CAMTA1: variants seen among roughly 807,000 people sequenced by gnomAD.
CAMTA1 encodes calmodulin binding transcription activator 1.
CAMTA1 carries 27 observed loss-of-function variants against 170.9 expected under a neutral mutation model. The observed-to-expected ratio is 0.16, with a 90% CI of 0.12 to 0.22. The LOEUF is 0.22. CAMTA1 is among the 10% of genes least tolerant of loss of function. The pLI, the probability that CAMTA1 is intolerant of heterozygous loss-of-function variation, is 1.00. For synonymous variants in CAMTA1, 833 were observed against 891.5 expected (o/e 0.93, Z 1.17); for missense variants, 1,619 against 2,217.2 (o/e 0.73, Z 5.42).
chr1:7,308,994 T>C (rs1036700288), intron 5 of CAMTA1, among the ~76,000 whole-genome samples: 3 of 152,224 alleles, frequency 2.0e-5, no homozygotes, highest in Admixed American at 6.5e-5. Flanking sequence ...TGAAAGTTGT[T>C]ATTATGTATG....
intron 16 of CAMTA1, among the ~76,000 whole-genome samples, chr1:7,740,583 C>T (rs914658454): frequency 2.6e-5 from 4 of 152,216 alleles, no homozygotes; most frequent in Admixed American, 6.5e-5. Flanking sequence ...CAGTGGTGGA[C>T]GTGCCTTCTA....
At chr1:6,940,032 A>T (rs957458985) in intron 3 of CAMTA1, among the ~76,000 whole-genome samples, 12 of 152,270 alleles carry the variant, frequency 7.9e-5, no homozygotes, top group Non-Finnish European at 1.3e-4. Flanking sequence ...CAATGCCAGC[A>T]TATCCGTGTC....
rs757377538 is a variant in CAMTA1 at position 7,043,020 on chromosome 1, G to A, written c.235-48284G>A. ...CCCCCAAGTTTCTTCACTGGCCTGG[G>A]TGTGCTGCAGTGTGCTCTGGGGCAT... On this transcript the variant is annotated intron_variant, in intron 3 of 22. Transcript: ENST00000303635. Among the ~76,000 whole-genome samples, 25 of 152,340 alleles carry A rather than the reference G, an allele frequency of 1.6e-4. 1 individual carries two copies. The highest frequency in any genetic ancestry group is 9.8e-4 in the Admixed American group (15 of 15,306).
intron 11 of CAMTA1, chr1:7,692,997 CTAAT>C (rs2096335536): frequency 6.6e-6 from 1 of 152,262 alleles, no homozygotes. Flanking sequence ...TTGACAGTGG[CTAAT>C]TCTCTATCAA....
intron 4 of CAMTA1, among the ~76,000 whole-genome samples, chr1:7,158,621 G>T (rs756928130): frequency 6.6e-6 from 1 of 152,102 alleles, no homozygotes; most frequent in African/African-American, 2.4e-5. Context: ...AAAATGGATC[G>T]ATGAATGCAC....
intron 22 of CAMTA1, among the ~76,000 whole-genome samples, chr1:7,761,382 G>A (rs1392160860): frequency 4.6e-5 from 7 of 152,108 alleles, no homozygotes; most frequent in African/African-American, 1.7e-4. Context: ...AGACTGCTTT[G>A]CCTGTCTTCT....
intron 3 of CAMTA1, among the ~76,000 whole-genome samples, chr1:6,856,522 A>G (rs906015043): frequency 5.9e-5 from 9 of 152,166 alleles, no homozygotes; most frequent in Non-Finnish European, 1.2e-4. Context: ...GCACTATTCT[A>G]GTCACTGGGG....
At chr1:6,939,079 A>G (rs890856039) in intron 3 of CAMTA1, among the ~76,000 whole-genome samples, 2 of 152,216 alleles carry the variant, frequency 1.3e-5, no homozygotes, top group Non-Finnish European at 2.9e-5. Context: ...GGGAGTTGCC[A>G]TGACCCATAG....
chr1:7,596,104 G>A (rs2095397572), intron 6 of CAMTA1, among the ~76,000 whole-genome samples: 1 of 152,208 alleles, frequency 6.6e-6, no homozygotes, highest in African/African-American at 2.4e-5. Context: ...GTCAGGGAGG[G>A]GCCGCTGCAA....
chr1:6,932,986 TATG>T (rs1557848770), intron 3 of CAMTA1, among the ~76,000 whole-genome samples: 1 of 152,198 alleles, frequency 6.6e-6, no homozygotes, highest in East Asian at 1.9e-4. Context: ...AGAAGTTAAT[TATG>T]ATAATGTCAG....
rs1008407283 is a variant in CAMTA1 at position 7,067,580 on chromosome 1, G to A, written c.235-23724G>A. On this transcript the variant is annotated intron_variant, in intron 3 of 22. Transcript: ENST00000303635. The surrounding 1 kb of genome is among the most constrained non-coding windows in gnomAD (Gnocchi z 4.3). The stretch of plus-strand genomic sequence containing the variant: ...GAACCATGTTCCTTGCAAGGCATAC[G>A]GCAAAGAACAAGGTAGATAAGTTCC... 3.9e-5 allele frequency among the ~76,000 whole-genome samples: 6 copies of A among 152,112 alleles called. No individual in the cohort carries two copies. Among genetic ancestry groups the A allele is most frequent in the African/African-American group, 1.4e-4 (6 of 41,406 alleles).
chr1:7,249,884 G>A lies in CAMTA1; in HGVS notation c.438+258G>A, dbSNP rs1423887959. 6.6e-6 allele frequency among the ~76,000 whole-genome samples: 1 copy of A among 152,200 alleles called. No homozygotes were observed. The highest frequency in any genetic ancestry group is 1.5e-5 in the Non-Finnish European group (1 of 68,046). On this transcript the variant is annotated intron_variant, in intron 5 of 22. Coordinates refer to ENST00000303635, the MANE Select transcript of CAMTA1 (RefSeq NM_015215.4). The surrounding 1 kb of genome is among the most constrained non-coding windows in gnomAD (Gnocchi z 4.4). ...TTGCTATATAGATGGGGATTTGCAA[G>A]TTTCCTGTGGACTCATTTGTTGTAT...
intron 3 of CAMTA1, among the ~76,000 whole-genome samples, chr1:6,960,554 C>G (rs955559957): frequency 3.3e-5 from 5 of 152,190 alleles, no homozygotes; most frequent in Admixed American, 2.6e-4. Context: ...TCGGCAAAGA[C>G]TCCCCCACCG....
intron 3 of CAMTA1, among the ~76,000 whole-genome samples, chr1:6,855,329 T>C (rs1452312359): frequency 6.6e-6 from 1 of 151,732 alleles, no homozygotes; most frequent in Non-Finnish European, 1.5e-5. Flanking sequence ...GTTTAATTTG[T>C]TCATGGTTCC....
Position 7,564,890 on chromosome 1 carries a change from G to GC in CAMTA1, c.511-75510_511-75509insC, listed in dbSNP as rs746954356. Among the ~76,000 whole-genome samples the GC allele has an allele frequency of 4.3e-4, 66 of 151,752 alleles. 1 individual carries two copies. The highest frequency in any genetic ancestry group is 7.2e-4 in the Non-Finnish European group (49 of 67,944). On this transcript the variant is annotated intron_variant, in intron 6 of 22. Coordinates refer to ENST00000303635, the MANE Select transcript of CAMTA1 (RefSeq NM_015215.4). ...AGACAATGAACAAAAACAGTGGGGT[G>GC]GAAAAAAATAGTCAAGGAGAAGGAG...
chr1:7,496,978 A>C (rs1211581934), intron 6 of CAMTA1, among the ~76,000 whole-genome samples: 1 of 150,958 alleles, frequency 6.6e-6, no homozygotes, highest in African/African-American at 2.4e-5. Context: ...CAGCCCGGGA[A>C]GGGAGGCATA....
At chr1:6,803,096 C>T (rs1180242467) in intron 1 of CAMTA1, among the ~76,000 whole-genome samples, 1 of 152,188 alleles carries the variant, frequency 6.6e-6, no homozygotes, top group Non-Finnish European at 1.5e-5. Flanking sequence ...CCTTGGAATG[C>T]TATGGTCTGT....
intron 6 of CAMTA1, among the ~76,000 whole-genome samples, chr1:7,552,301 A>G (rs1469215046): frequency 6.6e-6 from 1 of 152,146 alleles, no homozygotes; most frequent in Non-Finnish European, 1.5e-5. Context: ...CTGAGCCCGG[A>G]CCTCACTCAG....
chr1:6,907,872 C>T (rs181599734), intron 3 of CAMTA1, among the ~76,000 whole-genome samples: 1 of 152,208 alleles, frequency 6.6e-6, no homozygotes, highest in African/African-American at 2.4e-5. Context: ...GTTCCAGCCT[C>T]TCCCGCCCCA....
Sources: gnomAD v4.1 joint callset for allele counts (sites outside exome capture counted in the v4.1 genomes callset) on GRCh38, gnomAD v4.1.1 for gene constraint, Gnocchi (gnomAD v3.1) non-coding constraint, MANE v1.5 for transcripts, NCBI Gene and HGNC (gene_info 2026-07-23, HGNC 2026-07-21) for gene names.